The following CACNA2D1 variants were observed in gnomAD, a reference collection of about 807,000 sequenced individuals.
The protein encoded by CACNA2D1 is voltage-dependent calcium channel subunit alpha-2/delta-1.
CACNA2D1 carries 53 observed loss-of-function variants against 171.5 expected under a neutral mutation model. That is an observed-to-expected ratio of 0.31 (90% CI 0.25 to 0.39). The LOEUF is 0.39. Ranked by LOEUF, CACNA2D1 falls within the 10% of genes least tolerant of loss-of-function variation. The pLI is 1.00. For synonymous variants in CACNA2D1, 442 were observed against 443.1 expected, an observed-to-expected ratio of 1.00 and a Z score of 0.03; for missense variants, 903 against 1,299.8, an observed-to-expected ratio of 0.69 and a Z score of 4.69.
At chr7:82,245,288 CA>C (rs1184127999) in intron 3 of CACNA2D1, among the ~76,000 whole-genome samples, 1 of 152,156 alleles carries the variant, frequency 6.6e-6, no homozygotes, top group African/African-American at 2.4e-5. Flanking sequence ...ACAGGTGAGG[CA>C]AAAGTCTCTG....
At chr7:81,952,124 A>C (rs1466452750) in intron 38 of CACNA2D1, among the ~76,000 whole-genome samples, 1 of 151,294 alleles carries the variant, frequency 6.6e-6, no homozygotes, top group African/African-American at 2.4e-5. Flanking sequence ...CCATTTGTAT[A>C]TCATTTTTTG....
At chr7:82,090,877 C>A (rs572780684) in intron 6 of CACNA2D1, among the ~76,000 whole-genome samples, 1 of 151,906 alleles carries the variant, frequency 6.6e-6, no homozygotes, top group Non-Finnish European at 1.5e-5. Flanking sequence ...TTGTGGCAAA[C>A]GTTCATTTCA....
At chr7:82,196,843 A>AACATTTTTTTTTTTTATATATGT (rs1798905199) in intron 3 of CACNA2D1, among the ~76,000 whole-genome samples, 1 of 151,858 alleles carries the variant, frequency 6.6e-6, no homozygotes, top group African/African-American at 2.4e-5. Context: ...ATGTGAATAG[A>AACATTTTTTTTTTTTATATATGT]GGATGGTTGC....
At chr7:82,432,720 T>C (rs1829797450) in intron 1 of CACNA2D1, among the ~76,000 whole-genome samples, 1 of 152,202 alleles carries the variant, frequency 6.6e-6, no homozygotes, top group South Asian at 2.1e-4. Flanking sequence ...TCCCTTCTAC[T>C]GGGGGCAGGA....
chr7:82,406,865 T>C (rs1827114161), intron 1 of CACNA2D1, among the ~76,000 whole-genome samples: 1 of 152,222 alleles, frequency 6.6e-6, no homozygotes, highest in African/African-American at 2.4e-5. Flanking sequence ...AATTTTATGC[T>C]TTCCACTTTC....
chr7:82,065,688 T>C (rs1331365267), intron 8 of CACNA2D1, among the ~76,000 whole-genome samples: 2 of 152,118 alleles, frequency 1.3e-5, no homozygotes, highest in South Asian at 4.1e-4. Context: ...AACCTAAACG[T>C]CCAATAATAA....
chr7:82,100,158 G>T (rs1812506227), intron 6 of CACNA2D1, among the ~76,000 whole-genome samples: 2 of 152,154 alleles, frequency 1.3e-5, no homozygotes, highest in African/African-American at 4.8e-5. Flanking sequence ...GTGTGTGTGT[G>T]AGGACAGAAA....
chr7:82,046,718 A>G (rs761536011), intron 10 of CACNA2D1, among the ~76,000 whole-genome samples: 3 of 152,198 alleles, frequency 2.0e-5, no homozygotes, highest in African/African-American at 7.2e-5. Flanking sequence ...AAATGGCACC[A>G]GTAGATAAAA....
chr7:82,273,167 T>C (rs1484258708), intron 3 of CACNA2D1, among the ~76,000 whole-genome samples: 2 of 152,084 alleles, frequency 1.3e-5, no homozygotes, highest in African/African-American at 4.8e-5. Context: ...GAAGAGGAGA[T>C]AGAAACACAC....
intron 34 of CACNA2D1, 85 bp downstream of exon 34, chr7:81,963,971 C>T: frequency 9.5e-7 from 1 of 1,055,074 alleles, no homozygotes; most frequent in Non-Finnish European, 1.4e-6. Context: ...ATTTGAATAT[C>T]CCCTAAATCC....
At chr7:81,953,047 A>G (rs1200993161) in intron 38 of CACNA2D1, among the ~76,000 whole-genome samples, 2 of 151,916 alleles carry the variant, frequency 1.3e-5, no homozygotes, top group Non-Finnish European at 2.9e-5. Flanking sequence ...GCACCACCAC[A>G]CCTGTCTAAT....
At chr7:82,069,082 T>C (rs1562996421) in intron 7 of CACNA2D1, among the ~76,000 whole-genome samples, 1 of 152,092 alleles carries the variant, frequency 6.6e-6, no homozygotes, top group African/African-American at 2.4e-5. Context: ...ATTAATGTTA[T>C]GGTAAAATTG....
intron 3 of CACNA2D1, among the ~76,000 whole-genome samples, chr7:82,171,170 T>C (rs955084867): frequency 1.3e-5 from 2 of 152,068 alleles, no homozygotes; most frequent in Non-Finnish European, 2.9e-5. Context: ...TAAAATTGCT[T>C]TATTTCACCT....
intron 1 of CACNA2D1, among the ~76,000 whole-genome samples, chr7:82,425,239 C>T (rs1829069357): frequency 6.6e-6 from 1 of 152,056 alleles, no homozygotes; most frequent in Non-Finnish European, 1.5e-5. Flanking sequence ...CTCTAGTCTA[C>T]AAGAAATAAA....
chr7:82,291,974 A>AAC (rs1811694683), intron 3 of CACNA2D1, among the ~76,000 whole-genome samples: 1 of 151,192 alleles, frequency 6.6e-6, no homozygotes, highest in Non-Finnish European at 1.5e-5. Context: ...CCCCACTACA[A>AAC]ACACACACAT....
chr7:82,038,626 T>G (rs1046824363), intron 10 of CACNA2D1, among the ~76,000 whole-genome samples: 1 of 152,230 alleles, frequency 6.6e-6, no homozygotes, highest in Non-Finnish European at 1.5e-5. Context: ...TTAAATATTT[T>G]CATTGCCTCT....
chr7:82,160,614 G>A (rs1794846944), intron 4 of CACNA2D1, among the ~76,000 whole-genome samples: 1 of 152,028 alleles, frequency 6.6e-6, no homozygotes, highest in African/African-American at 2.4e-5. Context: ...GACTACAGGT[G>A]TGTGCCACCA....
At chr7:82,442,717 C>G (rs996844799) in intron 1 of CACNA2D1, among the ~76,000 whole-genome samples, 5 of 152,162 alleles carry the variant, frequency 3.3e-5, no homozygotes, top group African/African-American at 1.2e-4. Context: ...GCGTGTCTGC[C>G]GACACTTAGA....
chr7:82,386,210 G>GA lies in CACNA2D1; in HGVS notation c.96-36562dup. Among the ~76,000 whole-genome samples, 4 of 152,022 alleles carry GA rather than the reference G, an allele frequency of 2.6e-5. No homozygotes were observed. In the South Asian group the frequency reaches 8.3e-4, roughly 32 times the overall value. The stretch of plus-strand genomic sequence containing the variant: ...CTGCAATAACTGCATTCAGCAAGGG[G>GA]AAAAAAATACTATAGTACTGCATAT... On this transcript the variant is annotated intron_variant, in intron 1 of 38. Transcript: ENST00000356860.
Sources: gnomAD v4.1 joint callset for allele counts (sites outside exome capture counted in the v4.1 genomes callset) on GRCh38, gnomAD v4.1.1 for gene constraint, MANE v1.5 for transcripts, NCBI Gene and HGNC (gene_info 2026-07-23, HGNC 2026-07-21) for gene names.